The following KIAA1217 variants were observed in gnomAD, a reference collection of about 807,000 sequenced individuals.
KIAA1217 encodes the protein sickle tail protein homolog.
In KIAA1217, 88 loss-of-function variants were observed where a neutral mutation model predicts 163.9. The ratio of observed to expected loss-of-function variants is 0.54; its 90% confidence interval spans 0.45 to 0.64. The LOEUF (loss-of-function observed/expected upper bound fraction) is 0.64. Among genes scored for constraint, KIAA1217 ranks in the 30% least tolerant of loss-of-function variants. The pLI is 0.00. For missense variants in KIAA1217, 2,372 were observed against 2,475.0 expected (o/e 0.96, Z 0.88); for synonymous variants, 903 against 923.1 (o/e 0.98, Z 0.39).
intron 4 of KIAA1217, among the ~76,000 whole-genome samples, chr10:24,437,991 A>G (rs1461084911): frequency 6.6e-6 from 1 of 151,762 alleles, no homozygotes; most frequent in African/African-American, 2.4e-5. Flanking sequence ...TGTTTGGGAA[A>G]AGTAAACAAT....
At chr10:24,136,463 A>AGTAAT (rs71397930) in intron 2 of KIAA1217, among the ~76,000 whole-genome samples, 53,691 of 151,522 alleles carry the variant, frequency 0.35, 10,099 homozygotes, top group South Asian at 0.47. Context: ...ATCTTTTATA[A>AGTAAT]GTTATTCTTA....
chr10:23,826,476 C>T (rs1420323062), intron 1 of KIAA1217, among the ~76,000 whole-genome samples: 1 of 152,070 alleles, frequency 6.6e-6, no homozygotes, highest in Non-Finnish European at 1.5e-5. Context: ...TCGCTTGAGC[C>T]CAGCTAGGAG....
At chr10:24,305,035 A>AT (rs1389026283) in intron 2 of KIAA1217, among the ~76,000 whole-genome samples, 2 of 152,204 alleles carry the variant, frequency 1.3e-5, no homozygotes, top group African/African-American at 2.4e-5. Context: ...AGGGAGCCTG[A>AT]TTAGAAGGTC....
chr10:24,010,313 C>T (rs1337349767), intron 2 of KIAA1217, among the ~76,000 whole-genome samples: 1 of 152,050 alleles, frequency 6.6e-6, no homozygotes, highest in Non-Finnish European at 1.5e-5. Flanking sequence ...AGAAATGCCA[C>T]AAGATCAAAT....
At chr10:24,357,996 G>A (rs529752489) in intron 2 of KIAA1217, among the ~76,000 whole-genome samples, 1 of 152,324 alleles carries the variant, frequency 6.6e-6, no homozygotes, top group East Asian at 1.9e-4. Flanking sequence ...GACCCTAAGA[G>A]TAGTTTACTG....
chr10:24,542,467 AT>A (rs2075235058), intron 17 of KIAA1217: 3 of 1,384,904 alleles, frequency 2.2e-6, no homozygotes, highest in Non-Finnish European at 2.8e-6. Flanking sequence ...AATTCTTGAA[AT>A]CTTTTGCTAA....
At chr10:24,213,900 C>T (rs752478470) in intron 1 of KIAA1217, among the ~76,000 whole-genome samples, 1 of 152,060 alleles carries the variant, frequency 6.6e-6, no homozygotes, top group Non-Finnish European at 1.5e-5. Context: ...GAGCTAACCC[C>T]ATCACTTTGG....
At chr10:23,774,947 C>G (rs1322594295) in intron 1 of KIAA1217, among the ~76,000 whole-genome samples, 1 of 152,184 alleles carries the variant, frequency 6.6e-6, no homozygotes, top group Non-Finnish European at 1.5e-5. Flanking sequence ...CTTGCCTATA[C>G]CCCATGAATG....
rs1564421171 is a variant in KIAA1217, at chr10:23,789,976, T to TGTATATATACACATACAC, written c.-321+94742_-321+94743insGTATATATACACATACAC. 1.3e-4 allele frequency among the ~76,000 whole-genome samples: 12 copies of TGTATATATACACATACAC among 89,302 alleles called. 4 individuals carry two copies. The highest frequency in any genetic ancestry group is 6.1e-4 in the African/African-American group (11 of 17,974). The allele number at this position is 89,302 out of a possible 152,430, so 58.6% of individuals were successfully genotyped here. A position where few individuals can be genotyped will look rare whatever the true frequency, so the allele number is the denominator to read the frequency against. ...GTATATATACACATATACATATACA[T>TGTATATATACACATACAC]ATATACACATATACATATACACATA... On this transcript the variant is annotated intron_variant, in intron 1 of 18. Coordinates refer to the KIAA1217 transcript ENST00000376462.
At chr10:23,826,703 T>C in intron 1 of KIAA1217, among the ~76,000 whole-genome samples, 1 of 152,178 alleles carries the variant, frequency 6.6e-6, no homozygotes. Flanking sequence ...GTGTAGTTGC[T>C]GTTCTTCTGT....
chr10:24,427,246 C>A (rs1269595028), intron 3 of KIAA1217, among the ~76,000 whole-genome samples: 1 of 151,854 alleles, frequency 6.6e-6, no homozygotes, highest in Non-Finnish European at 1.5e-5. Context: ...CCATTCTAAC[C>A]CTGTGATGGC....
chr10:23,849,493 A>G (rs912939671), intron 1 of KIAA1217, among the ~76,000 whole-genome samples: 3 of 152,044 alleles, frequency 2.0e-5, no homozygotes, highest in African/African-American at 7.2e-5. Flanking sequence ...GTGTTGCTCC[A>G]TCAATCCCTC....
At chr10:24,170,730 T>C (rs2065589293) in intron 2 of KIAA1217, among the ~76,000 whole-genome samples, 1 of 152,214 alleles carries the variant, frequency 6.6e-6, no homozygotes, top group African/African-American at 2.4e-5. Flanking sequence ...CCGAGTTGAC[T>C]AGAAGTTCCC....
intron 2 of KIAA1217, among the ~76,000 whole-genome samples, chr10:24,095,152 C>G (rs1297113425): frequency 1.3e-5 from 2 of 152,172 alleles, no homozygotes; most frequent in Non-Finnish European, 2.9e-5. Context: ...CTTTCCTTGA[C>G]CAGGAAAGGG....
chr10:24,302,230 A>T (rs2041451214), intron 2 of KIAA1217, among the ~76,000 whole-genome samples: 1 of 152,208 alleles, frequency 6.6e-6, no homozygotes, highest in South Asian at 2.1e-4. Context: ...AACCCAAAAC[A>T]AAGGGACTTG....
intron 2 of KIAA1217, among the ~76,000 whole-genome samples, chr10:24,196,018 C>T (rs961582678): frequency 1.3e-5 from 2 of 151,978 alleles, no homozygotes; most frequent in African/African-American, 2.4e-5. Context: ...ACCTGTAGTT[C>T]CAGCTAGTGG....
At chr10:23,810,625 CTT>C (rs1437166797) in intron 1 of KIAA1217, among the ~76,000 whole-genome samples, 32 of 126,538 alleles carry the variant, frequency 2.5e-4, no homozygotes, top group African/African-American at 9.2e-4. Flanking sequence ...TATATAGTGT[CTT>C]ATATATAATA....
intron 17 of KIAA1217, among the ~76,000 whole-genome samples, chr10:24,539,014 G>A (rs1388325612): frequency 6.6e-6 from 1 of 152,010 alleles, no homozygotes; most frequent in Non-Finnish European, 1.5e-5. Context: ...TTACAGGCGT[G>A]AGCCACCGCA....
chr10:24,177,366 T>TATAC (rs2065960670), intron 2 of KIAA1217, among the ~76,000 whole-genome samples: 1 of 145,960 alleles, frequency 6.9e-6, no homozygotes, highest in African/African-American at 2.5e-5. Context: ...TATGTGTATA[T>TATAC]ATATATATAT....
Sources: allele counts gnomAD v4.1 joint callset (sites outside exome capture counted in the v4.1 genomes callset), GRCh38; gene constraint gnomAD v4.1.1; transcripts MANE v1.5; gene names NCBI Gene and HGNC (gene_info 2026-07-23, HGNC 2026-07-21).